Variants in KIRREL3 observed in about 807,000 individuals in gnomAD.
KIRREL3 encodes the protein kirre like nephrin family adhesion molecule 3.
KIRREL3 carries 36 observed loss-of-function variants against 89.7 expected under a neutral mutation model. That is an observed-to-expected ratio of 0.40 (90% confidence interval 0.31 to 0.53). KIRREL3 has a LOEUF of 0.53. Among genes scored for constraint, KIRREL3 ranks in the 20% least tolerant of loss-of-function variants. KIRREL3 has a pLI of 0.49. For synonymous variants in KIRREL3, 445 were observed against 441.4 expected, an observed-to-expected ratio of 1.01 and a Z score of -0.10; for missense variants, 864 against 1,056.6, an observed-to-expected ratio of 0.82 and a Z score of 2.53.
Position 126,475,239 on chromosome 11 carries a change from C to G in KIRREL3, c.434-1773G>C, listed in dbSNP as rs555052693. On this transcript the variant is annotated intron_variant, in intron 4 of 16. Coordinates refer to ENST00000525144, the MANE Select transcript of KIRREL3 (RefSeq NM_032531.4). This position sits in a 1 kb window ranked among gnomAD's most constrained non-coding sequence, Gnocchi z 7.5. ...GAAGTTCAGAGCTGAACAGTCACAG[C>G]TCCGGGCCCGTCCTGACTCCACTGG... Among the ~76,000 whole-genome samples the G allele has an allele frequency of 6.6e-6, 1 of 152,282 alleles. No homozygotes were observed. The highest frequency in any genetic ancestry group is 2.4e-5 in the African/African-American group (1 of 41,560).
intron 4 of KIRREL3, among the ~76,000 whole-genome samples, chr11:126,487,597 TTTG>T (rs1191299473): frequency 6.6e-6 from 1 of 152,192 alleles, no homozygotes; most frequent in African/African-American, 2.4e-5. Context: ...TTCTTCTTTT[TTTG>T]TTTTTTCTCA....
Position 126,725,203 on chromosome 11 carries a change from G to A in KIRREL3, c.56-162291C>T, listed in dbSNP as rs560986488. Reference sequence around the variant, plus strand: ...GTCACGTGACCCAGTGTGATGTATGGGAGAGGACAGCGTGGTGCCTCGTAT... The same window carrying A: ...GTCACGTGACCCAGTGTGATGTATGAGAGAGGACAGCGTGGTGCCTCGTAT... On this transcript the variant is annotated intron_variant, in intron 1 of 16. Coordinates refer to ENST00000525144, the MANE Select transcript of KIRREL3 (RefSeq NM_032531.4). Among the ~76,000 whole-genome samples the A allele has an allele frequency of 2.0e-5, 3 of 152,330 alleles. No individual in the cohort carries two copies. The South Asian group carries it at 6.2e-4, about 32-fold the overall frequency.
Position 126,608,504 on chromosome 11 carries a change from C to T in KIRREL3, c.56-45592G>A, listed in dbSNP as rs934250456. On this transcript the variant is annotated intron_variant, in intron 1 of 16. Transcript: ENST00000525144. The surrounding 1 kb of genome is among the most constrained non-coding windows in gnomAD (Gnocchi z 4.9). ...GTGCGCGTCTGGCATTCCTCCAGTG[C>T]GTTCCCAGGCAGGTGTTTTGAGAAA... Among the ~76,000 whole-genome samples the T allele has an allele frequency of 1.6e-4, 24 of 152,292 alleles. No individual in the cohort carries two copies. The highest frequency in any genetic ancestry group is 4.1e-4 in the South Asian group (2 of 4,824).
intron 1 of KIRREL3, among the ~76,000 whole-genome samples, chr11:126,596,231 A>C (rs1233639585): frequency 3.3e-5 from 5 of 152,190 alleles, no homozygotes; most frequent in South Asian, 2.1e-4. Context: ...ACCAACAAGA[A>C]TGTTCTGTTC....
Position 126,666,862 on chromosome 11 carries a change from T to A in KIRREL3, c.56-103950A>T, listed in dbSNP as rs1945686725. On this transcript the variant is annotated intron_variant, in intron 1 of 16. Transcript: ENST00000525144. The surrounding 1 kb of genome is among the most constrained non-coding windows in gnomAD (Gnocchi z 4.2). ...AGGTATATTCATTTTGGGTCTGGGATGGATACAGGTTTGATGAAAGGTCCC... is the reference window on the plus strand; with the variant it reads ...AGGTATATTCATTTTGGGTCTGGGAAGGATACAGGTTTGATGAAAGGTCCC... Among the ~76,000 whole-genome samples, 1 of 152,192 alleles carries A rather than the reference T, an allele frequency of 6.6e-6. No individual in the cohort carries two copies. Among genetic ancestry groups the A allele is most frequent in the Non-Finnish European group, 1.5e-5 (1 of 68,032 alleles).
At chr11:126,438,197 C>T (rs962762256) in intron 11 of KIRREL3, among the ~76,000 whole-genome samples, 9 of 152,322 alleles carry the variant, frequency 5.9e-5, no homozygotes, top group Admixed American at 2.6e-4. Flanking sequence ...CCCATGAACG[C>T]GTCTACCTGT....
At position 126,685,751 on chromosome 11, in the gene KIRREL3, G is replaced by A. The variant is rs879778825; in HGVS notation, c.56-122839C>T. Among the ~76,000 whole-genome samples, 9 of 152,178 alleles carry A rather than the reference G, an allele frequency of 5.9e-5. No individual in the cohort carries two copies. Among genetic ancestry groups the A allele is most frequent in the Admixed American group, 2.0e-4 (3 of 15,292 alleles). On this transcript the variant is annotated intron_variant, in intron 1 of 16. Coordinates refer to ENST00000525144, the MANE Select transcript of KIRREL3 (RefSeq NM_032531.4). The surrounding 1 kb of genome is among the most constrained non-coding windows in gnomAD (Gnocchi z 5.5). ...CTATGACGGCAAATGTCTCCCCACC[G>A]TCGGCAGCATCTTGGCCATTCAGAG...
At position 126,981,952 on chromosome 11, in the gene KIRREL3, A is replaced by T. The variant is rs548561392; in HGVS notation, c.55+18503T>A. ...TTTCAATTTGAATTCTATGCATATT[A>T]TCAGATAGAACAAATGCAAATATAT... On this transcript the variant is annotated intron_variant, in intron 1 of 16. Coordinates refer to ENST00000525144, the MANE Select transcript of KIRREL3 (RefSeq NM_032531.4). This position sits in a 1 kb window ranked among gnomAD's most constrained non-coding sequence, Gnocchi z 4.2. Among the ~76,000 whole-genome samples, 1 of 152,362 alleles carries T rather than the reference A, an allele frequency of 6.6e-6. No individual in the cohort carries two copies. Among genetic ancestry groups the T allele is most frequent in the African/African-American group, 2.4e-5 (1 of 41,586 alleles).
Position 126,485,979 on chromosome 11 carries a change from C to A in KIRREL3, c.434-12513G>T, listed in dbSNP as rs545725978. ...GGTCAAAGTCAGCAGTGGCTTGGTT[C>A]GCTCCTTAAATTAGGAAGGGTGAAT... is the stretch of plus-strand genomic sequence containing the variant. On this transcript the variant is annotated intron_variant, in intron 4 of 16. Transcript: ENST00000525144. The surrounding 1 kb of genome is among the most constrained non-coding windows in gnomAD (Gnocchi z 5.8). Among the ~76,000 whole-genome samples, 1 of 152,200 alleles carries A rather than the reference C, an allele frequency of 6.6e-6. No individual in the cohort carries two copies. The highest frequency in any genetic ancestry group is 6.5e-5 in the Admixed American group (1 of 15,282).
chr11:126,757,555 C>T (rs1949544356), intron 1 of KIRREL3, among the ~76,000 whole-genome samples: 2 of 152,088 alleles, frequency 1.3e-5, no homozygotes, highest in Admixed American at 6.5e-5. Flanking sequence ...GGGCTTGAGA[C>T]CTACAGGATA....
In KIRREL3 at chr11:126,981,220, C is replaced by A. The variant is rs189119608; in HGVS notation, c.55+19235G>T. ...GAAAGCATGGCCCGTTGGACCACAG[C>A]AAGACCTTCTTATTTTTGCAAGCTA... On this transcript the variant is annotated intron_variant, in intron 1 of 16. Transcript: ENST00000525144. This position sits in a 1 kb window ranked among gnomAD's most constrained non-coding sequence, Gnocchi z 4.2. 1.3e-5 allele frequency among the ~76,000 whole-genome samples: 2 copies of A among 152,314 alleles called. No individual in the cohort carries two copies. The highest frequency in any genetic ancestry group is 1.9e-4 in the East Asian group (1 of 5,178).
In KIRREL3 at chr11:126,909,459, C is replaced by G. The variant is rs1371030993; in HGVS notation, c.55+90996G>C. On this transcript the variant is annotated intron_variant, in intron 1 of 16. Coordinates refer to ENST00000525144, the MANE Select transcript of KIRREL3 (RefSeq NM_032531.4). The surrounding 1 kb of genome is among the most constrained non-coding windows in gnomAD (Gnocchi z 4.5). ...CACAGAGTGAGAGCCATGCCTATTC[C>G]TTCAGCACGTGCTAAGCGCCGACTC... is the stretch of plus-strand genomic sequence containing the variant. 6.6e-6 allele frequency among the ~76,000 whole-genome samples: 1 copy of G among 152,208 alleles called. No homozygotes were observed. The highest frequency in any genetic ancestry group is 1.9e-4 in the East Asian group (1 of 5,200).
chr11:126,971,729 C>T (rs532015696), intron 1 of KIRREL3, among the ~76,000 whole-genome samples: 94 of 152,238 alleles, frequency 6.2e-4, no homozygotes, highest in Non-Finnish European at 1.1e-3. Flanking sequence ...GCATCGAAGA[C>T]GGTCCTCTGA....
intron 1 of KIRREL3, among the ~76,000 whole-genome samples, chr11:126,767,993 T>C (rs1949883331): frequency 6.6e-6 from 1 of 152,220 alleles, no homozygotes; most frequent in East Asian, 1.9e-4. Context: ...GTCCAAATAA[T>C]CTTCATGACA....
At position 126,550,507 on chromosome 11, in the gene KIRREL3, G is replaced by A. The variant is rs1363200698; in HGVS notation, c.133+12328C>T. 6.6e-6 allele frequency: 1 copy of A among 152,198 alleles called. No homozygotes were observed. The highest frequency in any genetic ancestry group is 1.5e-5 in the Non-Finnish European group (1 of 68,056). 9.4% of individuals were successfully genotyped at this position (152,198 alleles called of 1,614,324 possible). A position where few individuals can be genotyped will look rare whatever the true frequency, so the allele number is the denominator to read the frequency against. ...ACTAAACATACAAAAAATCAGCCAA[G>A]TGAGGTGGTGGGTGCCTGTAATCCC... On this transcript the variant is annotated intron_variant, in intron 2 of 16. Transcript: ENST00000525144. The surrounding 1 kb of genome is among the most constrained non-coding windows in gnomAD (Gnocchi z 4.9).
chr11:126,753,288 G>T (rs1029570177), intron 1 of KIRREL3, among the ~76,000 whole-genome samples: 6 of 152,152 alleles, frequency 3.9e-5, no homozygotes, highest in Admixed American at 1.3e-4. Flanking sequence ...CCTCAGAGGG[G>T]CTCCATGGCT....
chr11:126,608,018 C>G lies in KIRREL3; in HGVS notation c.56-45106G>C, dbSNP rs553394935. 6.6e-6 allele frequency among the ~76,000 whole-genome samples: 1 copy of G among 152,126 alleles called. No homozygotes were observed. Among genetic ancestry groups the G allele is most frequent in the African/African-American group, 2.4e-5 (1 of 41,374 alleles). On this transcript the variant is annotated intron_variant, in intron 1 of 16. Transcript: ENST00000525144. The surrounding 1 kb of genome is among the most constrained non-coding windows in gnomAD (Gnocchi z 4.9). ...CTCCAGGGCCTTTCTCATCATCTCC[C>G]GTGCCTGCCGTGCTGTCTCTTACCA...
chr11:126,562,593 C>A lies in KIRREL3; in HGVS notation c.133+242G>T, dbSNP rs1163628010. 6.6e-6 allele frequency among the ~76,000 whole-genome samples: 1 copy of A among 152,088 alleles called. No homozygotes were observed. The highest frequency in any genetic ancestry group is 2.4e-5 in the African/African-American group (1 of 41,392). The stretch of plus-strand genomic sequence containing the variant: ...GAGAGAGGAAGAGAAGTAGGAGACA[C>A]AAAGGGAGAAGGGAAGATTGCATAA... On this transcript the variant is annotated intron_variant, in intron 2 of 16. Coordinates refer to ENST00000525144, the MANE Select transcript of KIRREL3 (RefSeq NM_032531.4). The surrounding 1 kb of genome is among the most constrained non-coding windows in gnomAD (Gnocchi z 4.7).
At chr11:126,885,571 G>A (rs1408506737) in intron 1 of KIRREL3, among the ~76,000 whole-genome samples, 4 of 152,010 alleles carry the variant, frequency 2.6e-5, no homozygotes, top group East Asian at 1.9e-4. Flanking sequence ...CCTCATCATC[G>A]TTATCATCAT....
Sources: gnomAD v4.1 joint callset for allele counts (sites outside exome capture counted in the v4.1 genomes callset) on GRCh38, gnomAD v4.1.1 for gene constraint, Gnocchi (gnomAD v3.1) non-coding constraint, MANE v1.5 for transcripts, NCBI Gene and HGNC (gene_info 2026-07-23, HGNC 2026-07-21) for gene names.